Variants in GLDC observed in about 807,000 individuals in gnomAD.
GLDC encodes the protein glycine decarboxylase.
GLDC carries 104 observed loss-of-function variants against 121.3 expected under a neutral mutation model. The observed-to-expected ratio is 0.86, with a 90% CI of 0.73 to 1.01. The LOEUF is 1.01. Among genes scored for constraint, GLDC ranks in the 50% least tolerant of loss-of-function variants. The pLI, the probability that GLDC is intolerant of heterozygous loss-of-function variation, is 0.00. For missense variants in GLDC, 1,429 were observed against 1,306.6 expected (o/e 1.09, Z -1.44); for synonymous variants, 546 against 480.6 (o/e 1.14, Z -1.78).
chr9:6,581,009 A>G (rs1161952524), intron 15 of GLDC, among the ~76,000 whole-genome samples: 2 of 152,224 alleles, frequency 1.3e-5, no homozygotes, highest in African/African-American at 2.4e-5. Context: ...ATGACCGTAT[A>G]TGAACTCAAG....
intron 2 of GLDC, chr9:6,639,668 A>AGT: frequency 4.0e-6 from 1 of 248,648 alleles, no homozygotes. Context: ...ATAAAAAAAA[A>AGT]GTATATATAT....
At chr9:6,612,568 C>CA (rs1818880560) in intron 3 of GLDC, among the ~76,000 whole-genome samples, 1 of 151,524 alleles carries the variant, frequency 6.6e-6, no homozygotes, top group Non-Finnish European at 1.5e-5. Context: ...CTCACCTCTA[C>CA]AAAAAAATCA....
chr9:6,549,414 C>T (rs1476360979), intron 21 of GLDC, among the ~76,000 whole-genome samples: 1 of 152,152 alleles, frequency 6.6e-6, no homozygotes, highest in East Asian at 1.9e-4. Context: ...AGCCACACGG[C>T]AGCAGGAGGG....
intron 2 of GLDC, among the ~76,000 whole-genome samples, chr9:6,638,880 G>C (rs192877595): frequency 1.3e-5 from 2 of 151,996 alleles, no homozygotes; most frequent in Admixed American, 1.3e-4. Flanking sequence ...ATGGTGGTGC[G>C]TGCCTGTAGT....
At chr9:6,635,967 T>A (rs967658906) in intron 2 of GLDC, among the ~76,000 whole-genome samples, 2 of 152,182 alleles carry the variant, frequency 1.3e-5, no homozygotes, top group African/African-American at 4.8e-5. Context: ...TCTAAACCCC[T>A]AGAATGTGCA....
intron 15 of GLDC, among the ~76,000 whole-genome samples, chr9:6,579,438 T>C: frequency 6.6e-6 from 1 of 152,188 alleles, no homozygotes; most frequent in East Asian, 1.9e-4. Context: ...TATTTTGGGT[T>C]TTTGTTTTGG....
At chr9:6,580,094 G>A (rs1336215861) in intron 15 of GLDC, among the ~76,000 whole-genome samples, 3 of 152,134 alleles carry the variant, frequency 2.0e-5, no homozygotes, top group African/African-American at 7.2e-5. Flanking sequence ...CACCCTGAAG[G>A]CCAGAGAGAC....
chr9:6,587,776 A>G (rs12683100), intron 14 of GLDC, among the ~76,000 whole-genome samples: 31,838 of 152,118 alleles, frequency 0.21, 3,776 homozygotes, highest in Admixed American at 0.28. Context: ...TCAGACTGGC[A>G]AACACAGCAA....
intron 9 of GLDC, among the ~76,000 whole-genome samples, chr9:6,593,466 T>A (rs1281538586): frequency 1.3e-5 from 2 of 151,736 alleles, no homozygotes; most frequent in African/African-American, 4.8e-5. Flanking sequence ...ACCTGGCTAA[T>A]AATTTTTTAA....
intron 2 of GLDC, among the ~76,000 whole-genome samples, chr9:6,630,975 C>T (rs1010195214): frequency 2.0e-5 from 3 of 152,198 alleles, no homozygotes; most frequent in Admixed American, 6.5e-5. Flanking sequence ...TCAGCTGAAT[C>T]ACGGAATGTG....
At chr9:6,553,672 T>G (rs1318137913) in intron 19 of GLDC, among the ~76,000 whole-genome samples, 163 bp from the exon 20 acceptor site, 1 of 152,130 alleles carries the variant, frequency 6.6e-6, no homozygotes, top group Non-Finnish European at 1.5e-5. Flanking sequence ...AAGCGATCCT[T>G]CCTTCCTTCC....
At chr9:6,550,672 A>C (rs535714824) in intron 21 of GLDC, 131 bp downstream of exon 21, 1 of 741,210 alleles carries the variant, frequency 1.3e-6, no homozygotes, top group Admixed American at 1.9e-5. Context: ...ATTTCCAAGA[A>C]CTCTACACTA....
intron 14 of GLDC, among the ~76,000 whole-genome samples, chr9:6,587,909 A>G (rs747104284): frequency 6.6e-6 from 1 of 152,272 alleles, no homozygotes; most frequent in Middle Eastern, 3.4e-3. Flanking sequence ...AAGAAAGAAA[A>G]AAAAAGCTTC....
chr9:6,573,284 A>T (rs1817999812), intron 15 of GLDC, among the ~76,000 whole-genome samples: 1 of 151,954 alleles, frequency 6.6e-6, no homozygotes, highest in Admixed American at 6.6e-5. Flanking sequence ...AACATGGAGA[A>T]ACCCTGTCTC....
At chr9:6,624,584 G>A (rs919692012) in intron 2 of GLDC, among the ~76,000 whole-genome samples, 2 of 152,128 alleles carry the variant, frequency 1.3e-5, no homozygotes, top group African/African-American at 4.8e-5. Flanking sequence ...AAGCCACCTA[G>A]TTTGTGGTAC....
At chr9:6,637,267 G>T (rs113915069) in intron 2 of GLDC, among the ~76,000 whole-genome samples, 3 of 151,334 alleles carry the variant, frequency 2.0e-5, no homozygotes, top group African/African-American at 7.3e-5. Context: ...TTAGACAGGC[G>T]TGGTGGCAGG....
intron 2 of GLDC, chr9:6,639,048 T>A (rs1210143042): frequency 4.9e-6 from 3 of 614,842 alleles, no homozygotes; most frequent in Non-Finnish European, 8.7e-6. Flanking sequence ...TGTCTTTCAA[T>A]AGTAGTCAGT....
intron 17 of GLDC, 139 bp from the exon 18 acceptor site, chr9:6,556,441 T>C: frequency 2.8e-6 from 2 of 702,898 alleles, no homozygotes; most frequent in Non-Finnish European, 5.0e-6. Flanking sequence ...CAAAGTACAA[T>C]GACAGCAATA....
chr9:6,608,596 A>ACGC (rs397766487), intron 4 of GLDC, among the ~76,000 whole-genome samples: 1 of 103,842 alleles, frequency 9.6e-6, no homozygotes, highest in Non-Finnish European at 2.0e-5. Flanking sequence ...AAAAAAAAAA[A>ACGC]TTAGCCGGGC....
Sources: gnomAD v4.1 joint callset for allele counts (sites outside exome capture counted in the v4.1 genomes callset) on GRCh38, gnomAD v4.1.1 for gene constraint, MANE v1.5 for transcripts, NCBI Gene and HGNC (gene_info 2026-07-23, HGNC 2026-07-21) for gene names.